The following ADGRB2 variants were observed in gnomAD, a reference collection of about 807,000 sequenced individuals.
ADGRB2 encodes brain-specific angiogenesis inhibitor 2.
ADGRB2 carries 47 observed loss-of-function variants against 178.7 expected under a neutral mutation model. The observed-to-expected ratio is 0.26, with a 90% confidence interval of 0.21 to 0.34. The LOEUF is 0.34. Ranked by LOEUF, ADGRB2 falls within the 10% of genes least tolerant of loss-of-function variation. The pLI is 1.00. For synonymous variants in ADGRB2, 870 were observed against 912.4 expected (o/e 0.95, Z 0.84); for missense variants, 1,584 against 2,180.8 (o/e 0.73, Z 5.45).
At position 31,744,537 on chromosome 1, in the gene ADGRB2, A is replaced by G. The variant is rs780560864; in HGVS notation, c.922+111T>C. On this transcript the variant is annotated intron_variant, in intron 5 of 32. Transcript: ENST00000373658. This position sits in a 1 kb window ranked among gnomAD's most constrained non-coding sequence, Gnocchi z 6.7. Reference sequence around the variant, plus strand: ...TTCCCACAAGCTTCATGTGGCACAGACGCGACTGAACTGCAGGACAGAGAC... The same window carrying G: ...TTCCCACAAGCTTCATGTGGCACAGGCGCGACTGAACTGCAGGACAGAGAC... The G allele has an allele frequency of 4.8e-6, 7 of 1,455,650 alleles. No homozygotes were observed. Among genetic ancestry groups the G allele is most frequent in the Non-Finnish European group, 6.6e-6 (7 of 1,063,012 alleles). The allele number at this position is 1,455,650 out of a possible 1,614,324, so 90.2% of individuals were successfully genotyped here.
In ADGRB2 at chr1:31,741,754, G is replaced by T. The variant is rs780599002; in HGVS notation, c.1586-29C>A. The T allele has an allele frequency of 2.5e-6, 4 of 1,603,196 alleles. No individual in the cohort carries two copies. The highest frequency in any genetic ancestry group is 3.4e-6 in the Non-Finnish European group (4 of 1,172,088). On this transcript the variant is annotated intron_variant, in intron 9 of 32. Coordinates refer to ENST00000373658, the MANE Select transcript of ADGRB2 (RefSeq NM_001364857.2). This position sits in a 1 kb window ranked among gnomAD's most constrained non-coding sequence, Gnocchi z 6.5. ...TGGGTGCAGGGGTAAGGTTCAGCTG[G>T]GTCCACACATGGGGCCCCCAGCCCC...
At chr1:31,743,317 A>C in intron 6 of ADGRB2, 1 of 287,998 alleles carries the variant, frequency 3.5e-6, no homozygotes, top group Non-Finnish European at 6.4e-6. Context: ...AAATTCAGGA[A>C]AGGACCCAGG....
At position 31,758,827 on chromosome 1, in the gene ADGRB2, A is replaced by G. The variant is rs1364688328; in HGVS notation, c.-190-1316T>C. Reference sequence around the variant, plus strand: ...TCCTCAGAGCTGAAAAAGGGATCAGACCCCTGGTCTTTCCCACCCTACATC... The same window carrying G: ...TCCTCAGAGCTGAAAAAGGGATCAGGCCCCTGGTCTTTCCCACCCTACATC... On this transcript the variant is annotated intron_variant, in intron 1 of 32. Coordinates refer to ENST00000373658, the MANE Select transcript of ADGRB2 (RefSeq NM_001364857.2). This position sits in a 1 kb window ranked among gnomAD's most constrained non-coding sequence, Gnocchi z 4.2. 1.2e-5 allele frequency: 2 copies of G among 163,446 alleles called. No individual in the cohort carries two copies. Among genetic ancestry groups the G allele is most frequent in the East Asian group, 1.8e-4 (1 of 5,642 alleles). 10.1% of individuals were successfully genotyped at this position (163,446 alleles called of 1,614,324 possible). A position where few individuals can be genotyped will look rare whatever the true frequency, so the allele number is the denominator to read the frequency against.
Position 31,755,854 on chromosome 1 carries a change from G to GT in ADGRB2, c.838+144dup, listed in dbSNP as rs1646803637. 5 of 1,148,012 alleles carry GT rather than the reference G, an allele frequency of 4.4e-6. No individual in the cohort carries two copies. Among genetic ancestry groups the GT allele is most frequent in the Non-Finnish European group, 4.9e-6 (4 of 819,580 alleles). 71.1% of individuals were successfully genotyped at this position (1,148,012 alleles called of 1,614,324 possible). ...TGAGGTCTCACTGCCATGCATTTTG[G>GT]TGACCGCAACATTTGGACAAGGCTC... On this transcript the variant is annotated intron_variant, in intron 4 of 32. Coordinates refer to ENST00000373658, the MANE Select transcript of ADGRB2 (RefSeq NM_001364857.2). The surrounding 1 kb of genome is among the most constrained non-coding windows in gnomAD (Gnocchi z 5.1).
chr1:31,755,909 C>T lies in ADGRB2; in HGVS notation c.838+90G>A. 4.7e-6 allele frequency: 7 copies of T among 1,503,612 alleles called. No individual in the cohort carries two copies. Among genetic ancestry groups the T allele is most frequent in the South Asian group, 1.3e-5 (1 of 77,322 alleles). The allele number at this position is 1,503,612 out of a possible 1,614,324, so 93.1% of individuals were successfully genotyped here. On this transcript the variant is annotated intron_variant, in intron 4 of 32. Transcript: ENST00000373658. This position sits in a 1 kb window ranked among gnomAD's most constrained non-coding sequence, Gnocchi z 5.1. ...GAGGGGTGACATCAGTGAACAGCTA[C>T]ATGCATGGCCGAGGATCTGCCAGGA...
At position 31,727,799 on chromosome 1, in the gene ADGRB2, A is replaced by T; in HGVS notation, c.4573-194T>A. 1.2e-6 allele frequency: 1 copy of T among 850,602 alleles called. No homozygotes were observed. Among genetic ancestry groups the T allele is most frequent in the Non-Finnish European group, 1.8e-6 (1 of 568,618 alleles). 52.7% of individuals were successfully genotyped at this position (850,602 alleles called of 1,614,324 possible). On this transcript the variant is annotated intron_variant, in intron 32 of 32. Transcript: ENST00000373658. This position sits in a 1 kb window ranked among gnomAD's most constrained non-coding sequence, Gnocchi z 4.4. ...CTGACCCCTGTTCTCAGTGGCCCCC[A>T]GGACATGTCTCCTGCTGACCACTCT...
At chr1:31,736,760 C>G (rs920288085) in intron 20 of ADGRB2, 37 bp from the exon 21 acceptor site, 7 of 1,600,252 alleles carry the variant, frequency 4.4e-6, no homozygotes, top group Non-Finnish European at 5.1e-6. Flanking sequence ...TGGCCCTGAG[C>G]AGCCGCCAGG....
intron 4 of ADGRB2, among the ~76,000 whole-genome samples, chr1:31,750,751 C>T (rs1342994280): frequency 6.6e-6 from 1 of 152,100 alleles, no homozygotes; most frequent in African/African-American, 2.4e-5. Context: ...TTGCACCCCA[C>T]AGTGTATCAG....
Position 31,740,381 on chromosome 1 carries a change from C to T in ADGRB2, c.1955G>A (p.Arg652Lys), listed in dbSNP as rs1187940552. The T allele has an allele frequency of 6.2e-7, 1 of 1,613,750 alleles. No homozygotes were observed. ...ATCAGCCGAGGGCACGTAGGTGGCC[C>T]TCTTAAAGGTGTCAGTGACATTCCT... ...ILRNVTDTFK[R>K]ATYVPSADDV... The change falls in exon 12 of 33, where the codon AGG becomes AAG. Residue 652 changes from arginine to lysine, a missense_variant. Coordinates refer to ENST00000373658, the MANE Select transcript of ADGRB2 (RefSeq NM_001364857.2). This position sits in a 1 kb window ranked among gnomAD's most constrained non-coding sequence, Gnocchi z 5.9.
In ADGRB2 at chr1:31,728,086, A is replaced by G; in HGVS notation, c.4516-5T>C. On this transcript the variant is annotated splice_polypyrimidine_tract_variant and splice_region_variant and intron_variant, in intron 31 of 32. Transcript: ENST00000373658. The surrounding 1 kb of genome is among the most constrained non-coding windows in gnomAD (Gnocchi z 6.7). ...CACACTCCACCGCTTCTCCCTCTGC[A>G]ACGGGGGCCACCGGTCAGGCTCCAA... is the stretch of plus-strand genomic sequence containing the variant. 6.2e-7 allele frequency: 1 copy of G among 1,608,900 alleles called. No individual in the cohort carries two copies. The highest frequency in any genetic ancestry group is 1.7e-5 in the Admixed American group (1 of 59,526).
At chr1:31,751,988 C>T (rs559097669) in intron 4 of ADGRB2, among the ~76,000 whole-genome samples, 1 of 152,316 alleles carries the variant, frequency 6.6e-6, no homozygotes, top group African/African-American at 2.4e-5. Flanking sequence ...GAATAGCTCT[C>T]ACTACCCCCG....
In ADGRB2 at chr1:31,735,737, T is replaced by C; in HGVS notation, c.3268-72A>G. 4.4e-6 allele frequency: 7 copies of C among 1,576,370 alleles called. No homozygotes were observed. Among genetic ancestry groups the C allele is most frequent in the Non-Finnish European group, 5.2e-6 (6 of 1,155,964 alleles). ...CCCTCCTGGCAGGGAAATCCCCATGTGGGAGCTGGAGCGCAGGGAGGAGGT... is the reference window on the plus strand; with the variant it reads ...CCCTCCTGGCAGGGAAATCCCCATGCGGGAGCTGGAGCGCAGGGAGGAGGT... On this transcript the variant is annotated intron_variant, in intron 23 of 32. Transcript: ENST00000373658. The surrounding 1 kb of genome is among the most constrained non-coding windows in gnomAD (Gnocchi z 6.0).
intron 14 of ADGRB2, 126 bp downstream of exon 14, chr1:31,739,800 C>T: frequency 1.7e-6 from 2 of 1,196,282 alleles, no homozygotes; most frequent in South Asian, 2.8e-5. Flanking sequence ...AAACAGACCA[C>T]ACATAGATGA....
rs1334643280 is a variant in ADGRB2, at chr1:31,738,058, A to C, written c.2772+142T>G. Reference sequence around the variant, plus strand: ...GCTGTGAGCACAATCCCAGGGGCACAGACATCCACGTACAATCCCACAAGC... The same window carrying C: ...GCTGTGAGCACAATCCCAGGGGCACCGACATCCACGTACAATCCCACAAGC... On this transcript the variant is annotated intron_variant, in intron 18 of 32. Transcript: ENST00000373658. 8 of 1,291,196 alleles carry C rather than the reference A, an allele frequency of 6.2e-6. No homozygotes were observed. The Admixed American group carries it at 2.0e-4, about 32-fold the overall frequency. 80.0% of individuals were successfully genotyped at this position (1,291,196 alleles called of 1,614,324 possible).
chr1:31,737,213 A>G (rs1645662396), intron 20 of ADGRB2, among the ~76,000 whole-genome samples: 1 of 152,102 alleles, frequency 6.6e-6, no homozygotes, highest in Non-Finnish European at 1.5e-5. Context: ...ACACACATTT[A>G]CTGATGTTCA....
intron 4 of ADGRB2, among the ~76,000 whole-genome samples, chr1:31,750,712 C>A (rs1251164346): frequency 1.3e-5 from 2 of 152,258 alleles, no homozygotes. Flanking sequence ...TCATGTCCCC[C>A]CATGGCACCC....
rs1646770496 is a variant in ADGRB2 at position 31,755,191 on chromosome 1, C to T, written c.838+808G>A. ...CAGTCCCCGGCCCAGCACTGTTCAG[C>T]GGGCACACAGGATCCAGCTGAGGCC... On this transcript the variant is annotated intron_variant, in intron 4 of 32. Coordinates refer to ENST00000373658, the MANE Select transcript of ADGRB2 (RefSeq NM_001364857.2). This position sits in a 1 kb window ranked among gnomAD's most constrained non-coding sequence, Gnocchi z 5.1. Among the ~76,000 whole-genome samples, 1 of 152,196 alleles carries T rather than the reference C, an allele frequency of 6.6e-6. No individual in the cohort carries two copies. Among genetic ancestry groups the T allele is most frequent in the African/African-American group, 2.4e-5 (1 of 41,440 alleles).
At chr1:31,762,382 C>G (rs1005940134) in intron 1 of ADGRB2, among the ~76,000 whole-genome samples, 1 of 152,116 alleles carries the variant, frequency 6.6e-6, no homozygotes, top group Admixed American at 6.5e-5. Flanking sequence ...GTCCCAGGGT[C>G]AGGTGGATTC....
rs1241489364 is a variant in ADGRB2, at chr1:31,739,567, G to C, written c.2236C>G (p.Arg746Gly). The C allele has an allele frequency of 1.2e-6, 2 of 1,611,882 alleles. No homozygotes were observed. The highest frequency in any genetic ancestry group is 1.7e-6 in the Non-Finnish European group (2 of 1,179,332). Residue 746 changes from arginine to glycine, a missense_variant, in exon 15 of 33, where the codon CGG becomes GGG. Coordinates refer to ENST00000373658, the MANE Select transcript of ADGRB2 (RefSeq NM_001364857.2). ...SDITFPMRGR[R>G]GMKDWVRHSE... ...TGCCGCACCCAGTCCTTCATGCCCC[G>C]GCGGCCCCGCATGGGGAACGTGATG...
Sources: gnomAD v4.1 joint callset for allele counts (sites outside exome capture counted in the v4.1 genomes callset) on GRCh38, gnomAD v4.1.1 for gene constraint, Gnocchi (gnomAD v3.1) non-coding constraint, MANE v1.5 for transcripts, NCBI Gene and HGNC (gene_info 2026-07-23, HGNC 2026-07-21) for gene names.